SOHLH1: variants seen among roughly 807,000 people sequenced by gnomAD.
SOHLH1 encodes the protein spermatogenesis- and oogenesis-specific basic helix-loop-helix-containing protein 1.
SOHLH1 carries 23 observed loss-of-function variants against 36.2 expected under a neutral mutation model. The observed-to-expected ratio is 0.64, with a 90% confidence interval of 0.46 to 0.90. The LOEUF (loss-of-function observed/expected upper bound fraction) is 0.90, where lower values mean the gene tolerates loss of function less well. Among genes scored for constraint, SOHLH1 ranks in the 40% least tolerant of loss-of-function variants. The pLI is 0.00. For synonymous variants in SOHLH1, 289 were observed against 228.3 expected (o/e 1.27, Z -2.40); for missense variants, 608 against 517.0 (o/e 1.18, Z -1.71).
At chr9:135,699,359 G>C (rs1834945783) in intron 1 of SOHLH1, 44 bp downstream of exon 1, 1 of 1,585,244 alleles carries the variant, frequency 6.3e-7, no homozygotes, top group Admixed American at 1.7e-5. Flanking sequence ...CCTGGGTACA[G>C]GCCTTGGGCC....
chr9:135,696,507 C>T (rs1834804779), intron 5 of SOHLH1, 105 bp downstream of exon 5: 4 of 1,225,642 alleles, frequency 3.3e-6, no homozygotes, highest in Non-Finnish European at 4.2e-6. Flanking sequence ...CCTGGGAAAA[C>T]TTCGAACCCC....
upstream of SOHLH1, chr9:135,699,635 A>T (rs1055449690): frequency 1.4e-6 from 1 of 694,462 alleles, no homozygotes; most frequent in Non-Finnish European, 2.4e-6. Context: ...CCACGCAGCC[A>T]GCCCGGGGCC....
intron 5 of SOHLH1, 21 bp from the exon 6 acceptor site, chr9:135,695,284 G>T: frequency 6.4e-7 from 1 of 1,573,872 alleles, no homozygotes; most frequent in South Asian, 1.2e-5. Flanking sequence ...AGTCAGATGC[G>T]GGTCAGCCTT....
At chr9:135,696,850 C>T (rs1163253523) in intron 4 of SOHLH1, 45 bp from the exon 5 acceptor site, 2 of 1,602,406 alleles carry the variant, frequency 1.2e-6, no homozygotes. Context: ...ATTCCCCAGC[C>T]CCCTGGAAGG....
chr9:135,696,788 G>C lies in SOHLH1; in HGVS notation c.485C>G (p.Ala162Gly). The C allele has an allele frequency of 3.1e-6, 5 of 1,613,016 alleles. No individual in the cohort carries two copies. The highest frequency in any genetic ancestry group is 4.2e-6 in the Non-Finnish European group (5 of 1,179,990). ...CAGGGACCAAGGACTTTCCAGAAAC[G>C]CCTTCACATCTGGGGTTCTAGAAGG... is the stretch of plus-strand genomic sequence containing the variant. ...SSGTRTPDVK[A>G]FLESPWSLDP... is the part of the protein sequence containing the mutation. The change falls in exon 5 of 8, where the codon GCG becomes GGG. Residue 162 changes from alanine to glycine, a missense_variant. Physicochemically the swap from Ala to Gly is moderately conservative, Grantham distance 60. Transcript: ENST00000425225.
At chr9:135,697,859 G>A (rs1363748611) in intron 3 of SOHLH1, among the ~76,000 whole-genome samples, 1 of 152,130 alleles carries the variant, frequency 6.6e-6, no homozygotes, top group Non-Finnish European at 1.5e-5. Context: ...TGCAAATGCT[G>A]GGACCCCTGA....
intron 5 of SOHLH1, among the ~76,000 whole-genome samples, chr9:135,696,261 G>A (rs939319570): frequency 6.6e-6 from 1 of 152,010 alleles, no homozygotes; most frequent in Non-Finnish European, 1.5e-5. Context: ...CAGACCCAGG[G>A]ACCCAGGGAG....
At chr9:135,701,456 G>A (rs2131302898), upstream of SOHLH1, among the ~76,000 whole-genome samples, 1 of 152,392 alleles carries the variant, frequency 6.6e-6, no homozygotes, top group Admixed American at 6.5e-5. Flanking sequence ...CAGTTCTCCA[G>A]AGCTCTGTGT....
chr9:135,699,631 A>C, upstream of SOHLH1: 1 of 723,742 alleles, frequency 1.4e-6, no homozygotes, highest in East Asian at 2.8e-5. Flanking sequence ...CTCCCCACGC[A>C]GCCAGCCCGG....
intron 1 of SOHLH1, 68 bp from the exon 2 acceptor site, chr9:135,699,194 C>G (rs1393932187): frequency 5.2e-6 from 8 of 1,547,552 alleles, no homozygotes. Flanking sequence ...TCCCAGATGC[C>G]AGAATGGGCG....
Position 135,693,695 on chromosome 9 carries a change from C to T in SOHLH1, c.1066G>A (p.Asp356Asn), listed in dbSNP as rs1421793600. Residue 356 changes from aspartate (D) to asparagine (N), a missense_variant, in exon 8 of 8, where the codon GAC becomes AAC. Asp to Asn is a conservative substitution (Grantham distance 23). Coordinates refer to ENST00000425225, the MANE Select transcript of SOHLH1 (RefSeq NM_001101677.2). ...DPELGSQELQDSPLEPWGLDV... is the reference protein window; with the variant it reads ...DPELGSQELQNSPLEPWGLDV... ...AGGCCCCACGGCTCCAGAGGGCTGT[C>T]CTGGAGCTCCTGGGAGCCAAGCTCA... 6.3e-7 allele frequency: 1 copy of T among 1,576,360 alleles called. No individual in the cohort carries two copies. The highest frequency in any genetic ancestry group is 2.4e-5 in the East Asian group (1 of 42,486).
chr9:135,695,336 T>G, intron 5 of SOHLH1, 73 bp from the exon 6 acceptor site: 4 of 1,436,248 alleles, frequency 2.8e-6, no homozygotes, highest in Non-Finnish European at 3.8e-6. Context: ...ACCTCGTGAC[T>G]CACGGGCTCG....
chr9:135,695,153 C>G lies in SOHLH1; in HGVS notation c.772G>C (p.Gly258Arg). The change falls in exon 6 of 8, where the codon GGG becomes CGG. Residue 258 changes from glycine (G) to arginine (R), a missense_variant. Physicochemically the swap from Gly to Arg is moderately radical, Grantham distance 125. Coordinates refer to ENST00000425225, the MANE Select transcript of SOHLH1 (RefSeq NM_001101677.2). ...TGGCCCAGCCAGCCAAGGGCCTCCCCGCTCATCACGGGCAAGGTCTGCTGC... is the reference window on the plus strand; with the variant it reads ...TGGCCCAGCCAGCCAAGGGCCTCCCGGCTCATCACGGGCAAGGTCTGCTGC... Reference protein sequence around the residue: ...SQQQTLPVMSGEALGWLGQAG... With the variant: ...SQQQTLPVMSREALGWLGQAG... 6.2e-7 allele frequency: 1 copy of G among 1,600,612 alleles called. No homozygotes were observed. The highest frequency in any genetic ancestry group is 1.7e-5 in the Admixed American group (1 of 58,266).
At chr9:135,695,026 C>A in intron 6 of SOHLH1, 24 bp downstream of exon 6, 1 of 1,567,376 alleles carries the variant, frequency 6.4e-7, no homozygotes, top group South Asian at 1.2e-5. Context: ...CACACACAGG[C>A]GTGCACACCA....
intron 3 of SOHLH1, among the ~76,000 whole-genome samples, chr9:135,698,098 G>A (rs992262318): frequency 6.6e-5 from 10 of 152,148 alleles, no homozygotes; most frequent in African/African-American, 2.2e-4. Context: ...AGGACTCAGG[G>A]GCACAGGAGG....
In SOHLH1 at chr9:135,698,379, GCA is replaced by G; in HGVS notation, c.293_294del (p.Val98AlafsTer106). 6.2e-7 allele frequency: 1 copy of G among 1,613,112 alleles called. No homozygotes were observed. The highest frequency in any genetic ancestry group is 8.5e-7 in the Non-Finnish European group (1 of 1,180,024). On this transcript the variant is annotated frameshift_variant, in exon 3 of 8. Coordinates refer to ENST00000425225, the MANE Select transcript of SOHLH1 (RefSeq NM_001101677.2). LOFTEE classifies it high-confidence loss of function. Reference sequence around the variant, plus strand: ...AGGGCGCTGGCAAGCCGCAGGAACTGCACAGACATCTCCAGGACCGAGGCCAT... The same window carrying G: ...AGGGCGCTGGCAAGCCGCAGGAACTGCAGACATCTCCAGGACCGAGGCCAT... ...EDMASVLEMS[V>X]QFLRLASALG... is the part of the protein sequence containing the mutation.
upstream of SOHLH1, among the ~76,000 whole-genome samples, chr9:135,701,214 C>G (rs976658753): frequency 2.0e-5 from 3 of 152,192 alleles, no homozygotes; most frequent in Non-Finnish European, 4.4e-5. Context: ...CTAGACTTCC[C>G]CGAGTGTTCC....
At chr9:135,696,319 G>A (rs1834796847) in intron 5 of SOHLH1, among the ~76,000 whole-genome samples, 2 of 152,150 alleles carry the variant, frequency 1.3e-5, no homozygotes, top group Admixed American at 1.3e-4. Flanking sequence ...AGTCCCAGGA[G>A]GAGACAGGAT....
chr9:135,693,497 C>G lies in SOHLH1; in HGVS notation c.*100G>C. The stretch of plus-strand genomic sequence containing the variant: ...AAGCCTCGCTCAAATTAGGGTGCAG[C>G]TGCAACCCAAACCCAAAATAAAATG... On this transcript the variant is annotated 3_prime_UTR_variant, in exon 8 of 8. Coordinates refer to ENST00000425225, the MANE Select transcript of SOHLH1 (RefSeq NM_001101677.2). The G allele has an allele frequency of 6.9e-7, 1 of 1,442,886 alleles. No individual in the cohort carries two copies. Among genetic ancestry groups the G allele is most frequent in the Non-Finnish European group, 9.2e-7 (1 of 1,082,482 alleles). 89.4% of individuals were successfully genotyped at this position (1,442,886 alleles called of 1,614,324 possible).
Sources: allele counts gnomAD v4.1 joint callset (sites outside exome capture counted in the v4.1 genomes callset), GRCh38; gene constraint gnomAD v4.1.1; transcripts MANE v1.5; gene names NCBI Gene and HGNC (gene_info 2026-07-23, HGNC 2026-07-21).